Variants in COL8A1 observed in about 807,000 individuals in gnomAD.
COL8A1 encodes collagen type VIII alpha 1 chain, also known as collagen alpha-1(VIII) chain.
Under a neutral mutation model 42.7 loss-of-function variants are expected in COL8A1, and 21 were observed. The observed-to-expected ratio is 0.49, with a 90% CI of 0.35 to 0.71. The LOEUF is 0.71. Ranked by LOEUF, COL8A1 falls within the 30% of genes least tolerant of loss-of-function variation. COL8A1 has a pLI of 0.01. For missense variants in COL8A1, 788 were observed against 962.4 expected (o/e 0.82, Z 2.40); for synonymous variants, 367 against 369.1 (o/e 0.99, Z 0.06).
At chr3:99,792,007 G>C (rs371016228) in intron 3 of COL8A1, among the ~76,000 whole-genome samples, 10 of 152,192 alleles carry the variant, frequency 6.6e-5, no homozygotes, top group African/African-American at 2.4e-4. Flanking sequence ...AGTAAGAACA[G>C]AGTGTGTTCC....
At chr3:99,748,473 A>G (rs1941076589) in intron 2 of COL8A1, among the ~76,000 whole-genome samples, 1 of 151,798 alleles carries the variant, frequency 6.6e-6, no homozygotes, top group Admixed American at 6.6e-5. Context: ...TGAGTTAAAT[A>G]AAAGTAATAA....
At chr3:99,750,134 GC>G (rs1420224308) in intron 2 of COL8A1, among the ~76,000 whole-genome samples, 3 of 124,766 alleles carry the variant, frequency 2.4e-5, no homozygotes, top group Non-Finnish European at 4.7e-5. Context: ...TTGGCTTACT[GC>G]AACCTCCACC....
chr3:99,725,864 G>A (rs549805253), intron 1 of COL8A1, among the ~76,000 whole-genome samples: 16 of 151,928 alleles, frequency 1.1e-4, no homozygotes, highest in South Asian at 2.1e-4. Flanking sequence ...GAATAGTGCC[G>A]CAATAAACAT....
chr3:99,697,655 C>T (rs915716101), intron 1 of COL8A1, among the ~76,000 whole-genome samples: 34 of 152,144 alleles, frequency 2.2e-4, no homozygotes, highest in Admixed American at 3.3e-4. Flanking sequence ...ACTACAAATT[C>T]TCACTGACCA....
At chr3:99,773,148 T>G (rs1316161228) in intron 2 of COL8A1, among the ~76,000 whole-genome samples, 2 of 152,232 alleles carry the variant, frequency 1.3e-5, no homozygotes, top group African/African-American at 2.4e-5. Context: ...CAGAACTTGG[T>G]AAACCTTCAA....
chr3:99,721,369 CAAA>C (rs34692096), intron 1 of COL8A1, among the ~76,000 whole-genome samples: 2 of 118,546 alleles, frequency 1.7e-5, no homozygotes, highest in Non-Finnish European at 3.4e-5. Flanking sequence ...ACAATTTAGA[CAAA>C]AAAAAAAAAA....
At chr3:99,715,472 T>C (rs1939969907) in intron 1 of COL8A1, among the ~76,000 whole-genome samples, 1 of 152,034 alleles carries the variant, frequency 6.6e-6, no homozygotes, top group Non-Finnish European at 1.5e-5. Context: ...GTTGTAGTGC[T>C]CTTTCCTGAG....
At chr3:99,750,049 C>CTTTTTTTTT (rs1176042144) in intron 2 of COL8A1, among the ~76,000 whole-genome samples, 17 of 65,962 alleles carry the variant, frequency 2.6e-4, no homozygotes, top group South Asian at 7.1e-4. Context: ...TTTTTTTCTT[C>CTTTTTTTTT]TTTTTTTTTT....
intron 2 of COL8A1, among the ~76,000 whole-genome samples, chr3:99,776,959 C>G (rs189175299): frequency 6.6e-5 from 10 of 152,144 alleles, no homozygotes; most frequent in South Asian, 2.1e-4. Context: ...TAGCATGTAA[C>G]GAGCAGAGAG....
chr3:99,671,537 G>A (rs1045544179), intron 1 of COL8A1, among the ~76,000 whole-genome samples: 4 of 151,918 alleles, frequency 2.6e-5, no homozygotes, highest in African/African-American at 9.7e-5. Context: ...TCATTATGAT[G>A]TACAATAGAT....
At chr3:99,699,995 C>T (rs1939488885) in intron 1 of COL8A1, among the ~76,000 whole-genome samples, 1 of 152,166 alleles carries the variant, frequency 6.6e-6, no homozygotes, top group Non-Finnish European at 1.5e-5. Context: ...AGAGCAGTGC[C>T]TCCCCAGTGC....
chr3:99,751,666 C>G (rs1941151950), intron 2 of COL8A1, among the ~76,000 whole-genome samples: 2 of 152,146 alleles, frequency 1.3e-5, no homozygotes, highest in African/African-American at 4.8e-5. Flanking sequence ...TATTTTGAAT[C>G]CTACTAGAAC....
At chr3:99,780,127 T>C (rs1941768852) in intron 2 of COL8A1, among the ~76,000 whole-genome samples, 1 of 152,210 alleles carries the variant, frequency 6.6e-6, no homozygotes, top group Non-Finnish European at 1.5e-5. Context: ...CTAACACTTA[T>C]AAAGTGCTTA....
intron 2 of COL8A1, among the ~76,000 whole-genome samples, chr3:99,757,585 G>A (rs1357474754): frequency 6.6e-6 from 1 of 152,080 alleles, no homozygotes; most frequent in Non-Finnish European, 1.5e-5. Context: ...TAAGATTCTA[G>A]CCTGACTTAA....
intron 2 of COL8A1, among the ~76,000 whole-genome samples, chr3:99,760,481 T>G (rs1430567858): frequency 6.6e-6 from 1 of 152,202 alleles, no homozygotes; most frequent in Non-Finnish European, 1.5e-5. Flanking sequence ...TAGAGAAATA[T>G]TAAATATTTA....
chr3:99,716,980 T>C (rs1940017005), intron 1 of COL8A1, among the ~76,000 whole-genome samples: 1 of 151,978 alleles, frequency 6.6e-6, no homozygotes, highest in Non-Finnish European at 1.5e-5. Flanking sequence ...TCATATGGAA[T>C]CAAGGCCTGT....
In COL8A1 at chr3:99,759,752, G is replaced by T. The variant is rs533478795; in HGVS notation, c.-4+14731G>T. Among the ~76,000 whole-genome samples the T allele has an allele frequency of 2.1e-3, 325 of 152,276 alleles. 3 individuals are homozygous for T. Among genetic ancestry groups the T allele is most frequent in the African/African-American group, 7.6e-3 (314 of 41,562 alleles). ...AAGCCAGTTGTTTCAACCGTAAAAA[G>T]AATAGATAGAACAATTCACTTCAAA... On this transcript the variant is annotated intron_variant, in intron 2 of 3. Transcript: ENST00000652472.
At chr3:99,670,171 A>G (rs1424375195) in intron 1 of COL8A1, among the ~76,000 whole-genome samples, 2 of 152,122 alleles carry the variant, frequency 1.3e-5, no homozygotes, top group Non-Finnish European at 2.9e-5. Flanking sequence ...CATTAAACTG[A>G]CACTAGCAGT....
chr3:99,731,509 G>A (rs761233799), intron 1 of COL8A1, among the ~76,000 whole-genome samples: 1 of 152,134 alleles, frequency 6.6e-6, no homozygotes, highest in African/African-American at 2.4e-5. Context: ...CAGGAAATAA[G>A]TTTAGATTCA....
Sources: gnomAD v4.1 joint callset for allele counts (sites outside exome capture counted in the v4.1 genomes callset) on GRCh38, gnomAD v4.1.1 for gene constraint, MANE v1.5 for transcripts, NCBI Gene and HGNC (gene_info 2026-07-23, HGNC 2026-07-21) for gene names.